ZNF536: variants seen among roughly 807,000 people sequenced by gnomAD.
ZNF536 encodes zinc finger protein 536.
ZNF536 carries 13 observed loss-of-function variants against 84.5 expected under a neutral mutation model. The observed-to-expected ratio is 0.15, with a 90% confidence interval of 0.10 to 0.24. The LOEUF (loss-of-function observed/expected upper bound fraction) is 0.24, where lower values mean the gene tolerates loss of function less well. Ranked by LOEUF, ZNF536 falls within the 10% of genes least tolerant of loss-of-function variation. The pLI is 1.00. For missense variants in ZNF536, 1,536 were observed against 1,747.5 expected, an observed-to-expected ratio of 0.88 and a Z score of 2.16; for synonymous variants, 811 against 742.5, an observed-to-expected ratio of 1.09 and a Z score of -1.50.
chr19:30,455,692 C>A (rs186325535), intron 2 of ZNF536, among the ~76,000 whole-genome samples: 5 of 152,240 alleles, frequency 3.3e-5, no homozygotes, highest in East Asian at 1.9e-4. Flanking sequence ...CAGAGCAAGA[C>A]CCTGTCTCAA....
intron 2 of ZNF536, among the ~76,000 whole-genome samples, chr19:30,350,671 T>C (rs1347197565): frequency 6.6e-6 from 1 of 152,222 alleles, no homozygotes; most frequent in African/African-American, 2.4e-5. Flanking sequence ...AGGAATTGAT[T>C]GTTGTGGCAG....
chr19:30,505,783 A>G (rs1201560858), intron 2 of ZNF536, among the ~76,000 whole-genome samples: 1 of 151,950 alleles, frequency 6.6e-6, no homozygotes, highest in East Asian at 1.9e-4. Flanking sequence ...CTCCTGCCTC[A>G]GCCTCCCGAC....
chr19:30,238,654 C>T (rs1411989633), intron 1 of ZNF536, among the ~76,000 whole-genome samples: 1 of 151,864 alleles, frequency 6.6e-6, no homozygotes, highest in African/African-American at 2.4e-5. Context: ...TCCTTCCTTC[C>T]TATCTGTCTC....
At chr19:30,330,718 G>A (rs940701035) in intron 2 of ZNF536, among the ~76,000 whole-genome samples, 47 of 152,118 alleles carry the variant, frequency 3.1e-4, no homozygotes, top group Admixed American at 2.8e-3. Flanking sequence ...GTACTCATTC[G>A]GGATCAGAAA....
At chr19:30,299,794 C>T (rs12986311) in intron 2 of ZNF536, among the ~76,000 whole-genome samples, 53,736 of 151,974 alleles carry the variant, frequency 0.35, 11,180 homozygotes, top group Non-Finnish European at 0.47. Flanking sequence ...CATAATATTC[C>T]TTAATTAATC....
rs116682602 is a variant in ZNF536 at position 30,493,639 on chromosome 19, G to A, written c.2171-41208G>A. On this transcript the variant is annotated intron_variant, in intron 2 of 4. Coordinates refer to ENST00000355537, the MANE Select transcript of ZNF536 (RefSeq NM_014717.3). Reference sequence around the variant, plus strand: ...TTGTCGTGGGCCTGAGATTTCTCTGGAACTGTCTCTGTCCTTTAGAAGTAG... The same window carrying A: ...TTGTCGTGGGCCTGAGATTTCTCTGAAACTGTCTCTGTCCTTTAGAAGTAG... Among the ~76,000 whole-genome samples the A allele has an allele frequency of 2.9e-3, 434 of 152,212 alleles. 1 individual carries two copies. Among genetic ancestry groups the A allele is most frequent in the African/African-American group, 9.9e-3 (410 of 41,522 alleles).
chr19:30,236,295 G>A (rs2023498128), intron 1 of ZNF536, among the ~76,000 whole-genome samples: 1 of 152,226 alleles, frequency 6.6e-6, no homozygotes, highest in South Asian at 2.1e-4. Flanking sequence ...AGCCTGCCTG[G>A]AGCTCTCATG....
chr19:30,442,338 C>G (rs960682025), intron 1 of ZNF536, among the ~76,000 whole-genome samples: 2 of 152,248 alleles, frequency 1.3e-5, no homozygotes, highest in East Asian at 3.8e-4. Context: ...GACAATTATG[C>G]AGACCAGCTT....
At chr19:30,306,190 A>ATTT (rs201822113) in intron 2 of ZNF536, among the ~76,000 whole-genome samples, 5 of 132,916 alleles carry the variant, frequency 3.8e-5, no homozygotes, top group South Asian at 2.4e-4. Flanking sequence ...CCTGGAGAGA[A>ATTT]TTTTTTTTTT....
intron 2 of ZNF536, among the ~76,000 whole-genome samples, chr19:30,497,332 A>G (rs2054763159): frequency 6.6e-6 from 1 of 152,202 alleles, no homozygotes; most frequent in Non-Finnish European, 1.5e-5. Context: ...TAGGCTTCCC[A>G]TTGGCTGGGT....
At chr19:30,414,163 G>A (rs1568405430) in intron 1 of ZNF536, among the ~76,000 whole-genome samples, 2 of 143,822 alleles carry the variant, frequency 1.4e-5, no homozygotes, top group Admixed American at 7.0e-5. Context: ...TATTTTATAT[G>A]ATACTACTAT....
chr19:30,304,752 G>T (rs1365999801), intron 2 of ZNF536, among the ~76,000 whole-genome samples: 1 of 152,228 alleles, frequency 6.6e-6, no homozygotes, highest in Non-Finnish European at 1.5e-5. Context: ...AAGGATGAAA[G>T]CCTGGGGCTC....
At chr19:30,509,076 C>A (rs1431869035) in intron 2 of ZNF536, among the ~76,000 whole-genome samples, 1 of 150,832 alleles carries the variant, frequency 6.6e-6, no homozygotes, top group Non-Finnish European at 1.5e-5. Flanking sequence ...CTTGAGTGAT[C>A]ATCCTGCCTT....
At chr19:30,563,565 T>A (rs953737973) in intron 1 of ZNF536, among the ~76,000 whole-genome samples, 11 of 152,248 alleles carry the variant, frequency 7.2e-5, no homozygotes, top group African/African-American at 2.7e-4. Flanking sequence ...ACAAAGGGAA[T>A]GTTCTTGAAG....
chr19:30,446,729 T>C lies in ZNF536; in HGVS notation c.2170+997T>C, dbSNP rs538948805. Reference sequence around the variant, plus strand: ...TTACACGGCTGATACAGCTTTGGGGTCTAAAATAGCAAAGCAGAAAATCTG... The same window carrying C: ...TTACACGGCTGATACAGCTTTGGGGCCTAAAATAGCAAAGCAGAAAATCTG... On this transcript the variant is annotated intron_variant, in intron 2 of 4. Transcript: ENST00000355537. Among the ~76,000 whole-genome samples, 5 of 151,640 alleles carry C rather than the reference T, an allele frequency of 3.3e-5. No homozygotes were observed. The South Asian group carries it at 1.0e-3, about 32-fold the overall frequency.
rs1555845722 is a variant in ZNF536, at chr19:30,705,309, A to ATGAGTG, written c.170-5446_170-5445insAGTGTG. 4.7e-5 allele frequency among the ~76,000 whole-genome samples: 7 copies of ATGAGTG among 149,222 alleles called. No individual in the cohort carries two copies. The South Asian group carries it at 6.5e-4, about 14-fold the overall frequency. On this transcript the variant is annotated intron_variant, in intron 1 of 1. Transcript: ENST00000592773. ...GCCTTTCAGCAAACAACTCAGAAAGATGTGTGTGTGTGTGTGTGTGTGTGT... is the reference window on the plus strand; with the variant it reads ...GCCTTTCAGCAAACAACTCAGAAAGATGAGTGTGTGTGTGTGTGTGTGTGTGTGTGT...
chr19:30,699,980 CTTTCTCTTTCTCTCTTT>C (rs1422156463), intron 1 of ZNF536, among the ~76,000 whole-genome samples: 3 of 152,082 alleles, frequency 2.0e-5, no homozygotes, highest in Non-Finnish European at 4.4e-5. Flanking sequence ...TTTCTCTCTT[CTTTCTCTTTCTCTCTTT>C]TTTCTCTTTC....
At position 30,549,075 on chromosome 19, in the gene ZNF536, C is replaced by G. The variant is rs758445796; in HGVS notation, c.3456C>G (p.Thr1152=). The G allele has an allele frequency of 1.2e-6, 2 of 1,614,186 alleles. No homozygotes were observed. The highest frequency in any genetic ancestry group is 3.3e-5 in the Admixed American group (2 of 60,036). Residue 1152 remains threonine (T), a synonymous_variant, in exon 4 of 5, where the codon ACC becomes ACG. Transcript: ENST00000355537. ...ATGTCCCCATCCTGATCCCCGAAAC[C>G]ACGAGTAAGAACACTACTGATGACC... ...EEDVPILIPE[T]TSKNTTDDLS...
At chr19:30,478,934 G>C (rs764397542) in intron 2 of ZNF536, among the ~76,000 whole-genome samples, 27 of 152,118 alleles carry the variant, frequency 1.8e-4, no homozygotes, top group Non-Finnish European at 1.0e-4. Context: ...ATCCTTCCGA[G>C]GCCATTTTTG....
Sources: allele counts gnomAD v4.1 joint callset (sites outside exome capture counted in the v4.1 genomes callset), GRCh38; gene constraint gnomAD v4.1.1; transcripts MANE v1.5; gene names NCBI Gene and HGNC (gene_info 2026-07-23, HGNC 2026-07-21).